Variants in EHBP1L1 observed in about 807,000 individuals in gnomAD.
EHBP1L1 encodes the protein EH domain binding protein 1 like 1, also known as EH domain-binding protein 1-like protein 1.
In EHBP1L1, 122 loss-of-function variants were observed where a neutral mutation model predicts 151.1. The observed-to-expected ratio is 0.81, with a 90% CI of 0.70 to 0.94. The LOEUF is 0.94. Among genes scored for constraint, EHBP1L1 ranks in the 40% least tolerant of loss-of-function variants. EHBP1L1 has a pLI of 0.00. For synonymous variants in EHBP1L1, 878 were observed against 810.1 expected, an observed-to-expected ratio of 1.08 and a Z score of -1.42; for missense variants, 1,941 against 1,959.8, an observed-to-expected ratio of 0.99 and a Z score of 0.18.
At position 65,583,328 on chromosome 11, in the gene EHBP1L1, G is replaced by T. The variant is rs1270892857; in HGVS notation, c.2656G>T (p.Val886Phe). Residue 886 changes from valine (V) to phenylalanine (F), a missense_variant, in exon 9 of 19, where the codon GTC becomes TTC. By Grantham distance (50) the Val-to-Phe change is conservative (BLOSUM62 -1). Transcript: ENST00000309295. Reference protein sequence around the residue: ...AEKEEAQTSGVQEAETRVGSA... With the variant: ...AEKEEAQTSGFQEAETRVGSA... ...GAAGGAAGAGGCTCAGACTTCGGGG[G>T]TCCAGGAAGCAGAGACTAGAGTTGG... 4 of 1,613,630 alleles carry T rather than the reference G, an allele frequency of 2.5e-6. No individual in the cohort carries two copies. Among genetic ancestry groups the T allele is most frequent in the Non-Finnish European group, 3.4e-6 (4 of 1,179,818 alleles).
At chr11:65,584,844 C>G in intron 11 of EHBP1L1, 115 bp from the exon 12 acceptor site, 1 of 1,388,490 alleles carries the variant, frequency 7.2e-7, no homozygotes, top group Non-Finnish European at 9.6e-7. Flanking sequence ...GGCGGTGTTG[C>G]TAGGCAAAAC....
intron 1 of EHBP1L1, among the ~76,000 whole-genome samples, chr11:65,578,044 T>C (rs2135223645): frequency 6.6e-6 from 1 of 152,306 alleles, no homozygotes; most frequent in Non-Finnish European, 1.5e-5. Flanking sequence ...AGGGGCCCTC[T>C]GCCCCCAGGC....
In EHBP1L1 at chr11:65,582,888, T is replaced by G. The variant is rs745574813; in HGVS notation, c.2216T>G (p.Ile739Arg). 3.6e-5 allele frequency: 58 copies of G among 1,613,158 alleles called. 2 individuals are homozygous for G. The South Asian group carries it at 3.6e-4, about 10-fold the overall frequency. Reference sequence around the variant, plus strand: ...GCTAGGGATTCAGGGGTCAGAGAGATAGAAGCAGAGATAGCAGAGTCTGAC... The same window carrying G: ...GCTAGGGATTCAGGGGTCAGAGAGAGAGAAGCAGAGATAGCAGAGTCTGAC... ...ITARDSGVREIEAEIAESDIL... is the reference protein window; with the variant it reads ...ITARDSGVREREAEIAESDIL... Residue 739 changes from isoleucine (I) to arginine (R), a missense_variant, in exon 9 of 19, where the codon ATA becomes AGA. Ile to Arg is a moderately conservative substitution (Grantham distance 97). Coordinates refer to ENST00000309295, the MANE Select transcript of EHBP1L1 (RefSeq NM_001099409.3).
Position 65,584,480 on chromosome 11 carries a change from C to T in EHBP1L1, c.3252-6C>T, listed in dbSNP as rs762831550. On this transcript the variant is annotated splice_region_variant and splice_polypyrimidine_tract_variant and intron_variant, in intron 10 of 18. Transcript: ENST00000309295. ...ACCCAGCCTCTGACCAGCACACTCT[C>T]TGCAGTGACTATGCCTCGCTAGACC... 6.2e-7 allele frequency: 1 copy of T among 1,613,404 alleles called. No homozygotes were observed. The highest frequency in any genetic ancestry group is 8.5e-7 in the Non-Finnish European group (1 of 1,179,780).
Position 65,585,153 on chromosome 11 carries a change from C to G in EHBP1L1, c.3495C>G (p.Ala1165=), listed in dbSNP as rs1565128493. The change falls in exon 12 of 19, where the codon GCC becomes GCG. Residue 1165 remains alanine (A), a synonymous_variant. Coordinates refer to ENST00000309295, the MANE Select transcript of EHBP1L1 (RefSeq NM_001099409.3). This position sits in a 1 kb window ranked among gnomAD's most constrained non-coding sequence, Gnocchi z 4.0. ...CCGGCACGTACCGCGTGGGCAGCGC[C>G]CAGCCCAGCCCGCCCGACGACCTGG... is the stretch of plus-strand genomic sequence containing the variant. ...GGAGTYRVGS[A]QPSPPDDLDA... is the part of the protein sequence containing the mutation. 7.2e-7 allele frequency: 1 copy of G among 1,382,316 alleles called. No homozygotes were observed. Among genetic ancestry groups the G allele is most frequent in the Middle Eastern group, 2.5e-4 (1 of 3,960 alleles). The allele number at this position is 1,382,316 out of a possible 1,614,324, so 85.6% of individuals were successfully genotyped here. A position where few individuals can be genotyped will look rare whatever the true frequency, so the allele number is the denominator to read the frequency against.
rs1395145386 is a variant in EHBP1L1 at position 65,582,229 on chromosome 11, G to C, written c.1557G>C (p.Glu519Asp). The stretch of plus-strand genomic sequence containing the variant: ...TGAGGGGTGGAGCACCTGGTATTGA[G>C]GGGACAGGCCTGGAGCAGGGCCCTT... The part of the protein sequence containing the change: ...AEVRGGAPGI[E>D]GTGLEQGPSV... The change falls in exon 9 of 19, where the codon GAG (glutamate) becomes GAC (aspartate). Residue 519 changes from glutamate (E) to aspartate (D), a missense_variant. Transcript: ENST00000309295. 1 of 1,530,622 alleles carries C rather than the reference G, an allele frequency of 6.5e-7. No individual in the cohort carries two copies. The highest frequency in any genetic ancestry group is 2.3e-5 in the East Asian group (1 of 44,330). The allele number at this position is 1,530,622 out of a possible 1,614,324, so 94.8% of individuals were successfully genotyped here.
Position 65,583,022 on chromosome 11 carries a change from T to G in EHBP1L1, c.2350T>G (p.Ser784Ala). Residue 784 changes from serine to alanine, a missense_variant, in exon 9 of 19, where the codon TCA (serine) becomes GCA (alanine). Ser to Ala is a moderately conservative substitution (Grantham distance 99). Coordinates refer to ENST00000309295, the MANE Select transcript of EHBP1L1 (RefSeq NM_001099409.3). ...LGTQEIASRD[S>A]GVPGLEADTT... ...GACCCAAGAGATAGCATCTAGGGATTCAGGGGTCCCAGGGTTAGAAGCTGA... is the reference window on the plus strand; with the variant it reads ...GACCCAAGAGATAGCATCTAGGGATGCAGGGGTCCCAGGGTTAGAAGCTGA... The G allele has an allele frequency of 6.2e-7, 1 of 1,612,964 alleles. No homozygotes were observed.
chr11:65,580,513 C>A, intron 6 of EHBP1L1, 34 bp downstream of exon 6: 1 of 1,599,520 alleles, frequency 6.3e-7, no homozygotes, highest in South Asian at 1.1e-5. Context: ...TCGAGACTGC[C>A]AAGACCTGGG....
chr11:65,583,895 G>C (rs981468665), intron 9 of EHBP1L1, 130 bp downstream of exon 9: 4 of 1,421,186 alleles, frequency 2.8e-6, no homozygotes, highest in East Asian at 2.5e-5. Flanking sequence ...GCTTGAAGGA[G>C]CCCCCTCATC....
Position 65,582,491 on chromosome 11 carries a change from G to A in EHBP1L1, c.1819G>A (p.Ala607Thr). 6.2e-7 allele frequency: 1 copy of A among 1,613,158 alleles called. No homozygotes were observed. The change falls in exon 9 of 19, where the codon GCC becomes ACC. Residue 607 changes from alanine to threonine, a missense_variant. Coordinates refer to ENST00000309295, the MANE Select transcript of EHBP1L1 (RefSeq NM_001099409.3). ...GACACTAGAAATTGAGATATTGGGG[G>A]CCTTGGAGAAAGAAGCAGCAAGATC... ...TRTLEIEILGALEKEAARSRV... is the reference protein window; with the variant it reads ...TRTLEIEILGTLEKEAARSRV...
In EHBP1L1 at chr11:65,581,428, C is replaced by T. The variant is rs983243070; in HGVS notation, c.866+55C>T. On this transcript the variant is annotated intron_variant, in intron 8 of 18. Transcript: ENST00000309295. ...TTGCCCCCTGATAGGAGCTGCAGTC[C>T]TCACCCCCACCAACCTGCCTCCAGG... 8 of 1,459,044 alleles carry T rather than the reference C, an allele frequency of 5.5e-6. No individual in the cohort carries two copies. In the South Asian group the frequency reaches 7.0e-5, roughly 13 times the overall value. 90.4% of individuals were successfully genotyped at this position (1,459,044 alleles called of 1,614,324 possible).
At chr11:65,590,030 C>T (rs747830166) in intron 14 of EHBP1L1, 39 bp downstream of exon 14, 1 of 1,610,318 alleles carries the variant, frequency 6.2e-7, no homozygotes, top group South Asian at 1.1e-5. Flanking sequence ...TGGGTGAGCA[C>T]CACCTATTCA....
chr11:65,584,907 C>A, intron 11 of EHBP1L1, 52 bp from the exon 12 acceptor site: 1 of 1,524,130 alleles, frequency 6.6e-7, no homozygotes, highest in South Asian at 1.2e-5. Context: ...GCAGCGTTGC[C>A]GGGTGGCGCG....
At chr11:65,588,336 T>G (rs1858082695) in intron 12 of EHBP1L1, among the ~76,000 whole-genome samples, 1 of 151,992 alleles carries the variant, frequency 6.6e-6, no homozygotes, top group South Asian at 2.1e-4. Context: ...TAGGCGTGGC[T>G]CAGGGTGGTA....
chr11:65,576,469 G>C, intron 1 of EHBP1L1, 63 bp downstream of exon 1: 4 of 1,447,270 alleles, frequency 2.8e-6, no homozygotes, highest in Non-Finnish European at 3.7e-6. Context: ...GGCCCTTTGA[G>C]CCTGAGAGGA....
At position 65,581,826 on chromosome 11, in the gene EHBP1L1, A is replaced by T. The variant is rs751255816; in HGVS notation, c.1154A>T (p.Asp385Val). ...AAGGCTGAAGAGATGGACACTGAGG[A>T]CAGGCCAGAGGCCAGTGGGGTGGAC... ...RLKAEEMDTE[D>V]RPEASGVDTE... Residue 385 changes from aspartate (D) to valine (V), a missense_variant, in exon 9 of 19, where the codon GAC (aspartate) becomes GTC (valine). Transcript: ENST00000309295. 7.4e-6 allele frequency: 12 copies of T among 1,613,666 alleles called. No homozygotes were observed. The highest frequency in any genetic ancestry group is 1.0e-5 in the Non-Finnish European group (12 of 1,179,808).
chr11:65,582,181 C>A lies in EHBP1L1; in HGVS notation c.1509C>A (p.Gly503=). 2 of 1,562,356 alleles carry A rather than the reference C, an allele frequency of 1.3e-6. No homozygotes were observed. Among genetic ancestry groups the A allele is most frequent in the Admixed American group, 1.9e-5 (1 of 51,612 alleles). ...TCGAGGGGGCCAGGGCTGCTGCAGG[C>A]CAGGAGAGAGAGGGTGCAGAAGTGA... ...GDLEGARAAA[G]QEREGAEVRG... The change falls in exon 9 of 19, where the codon GGC becomes GGA. Residue 503 remains glycine, a synonymous_variant. Transcript: ENST00000309295.
At chr11:65,580,559 T>C in intron 6 of EHBP1L1, 80 bp downstream of exon 6, 3 of 1,544,022 alleles carry the variant, frequency 1.9e-6, no homozygotes, top group Non-Finnish European at 2.6e-6. Flanking sequence ...CCACTTGCTG[T>C]GCCCGCCCTG....
chr11:65,591,844 G>A lies in EHBP1L1; in HGVS notation c.4328G>A (p.Arg1443His). The A allele has an allele frequency of 7.1e-7, 1 of 1,408,478 alleles. No homozygotes were observed. Among genetic ancestry groups the A allele is most frequent in the Non-Finnish European group, 9.5e-7 (1 of 1,056,664 alleles). The allele number at this position is 1,408,478 out of a possible 1,614,324, so 87.2% of individuals were successfully genotyped here. ...DLERRFELLS[R>H]ELRAMLAIED... is the part of the protein sequence containing the mutation. ...GAGCGAAGGTTCGAGCTGCTGAGCCGCGAGCTGCGGGCCATGCTGGCCATC... is the reference window on the plus strand; with the variant it reads ...GAGCGAAGGTTCGAGCTGCTGAGCCACGAGCTGCGGGCCATGCTGGCCATC... Residue 1443 changes from arginine to histidine, a missense_variant, in exon 17 of 19, where the codon CGC (arginine) becomes CAC (histidine). Transcript: ENST00000309295.
Sources: gnomAD v4.1 joint callset for allele counts (sites outside exome capture counted in the v4.1 genomes callset) on GRCh38, gnomAD v4.1.1 for gene constraint, Gnocchi (gnomAD v3.1) non-coding constraint, MANE v1.5 for transcripts, NCBI Gene and HGNC (gene_info 2026-07-23, HGNC 2026-07-21) for gene names.